Variants in DOCK3 observed in about 807,000 individuals in gnomAD.
DOCK3 encodes the protein dedicator of cytokinesis protein 3.
In DOCK3, 60 loss-of-function variants were observed where a neutral mutation model predicts 265.6. The ratio of observed to expected loss-of-function variants is 0.23; its 90% CI spans 0.18 to 0.28. The LOEUF (loss-of-function observed/expected upper bound fraction) is 0.28. Ranked by LOEUF, DOCK3 falls within the 10% of genes least tolerant of loss-of-function variation. The pLI is 1.00. For missense variants in DOCK3, 1,981 were observed against 2,594.3 expected, an observed-to-expected ratio of 0.76 and a Z score of 5.14; for synonymous variants, 881 against 938.0, an observed-to-expected ratio of 0.94 and a Z score of 1.11.
intron 13 of DOCK3, among the ~76,000 whole-genome samples, chr3:51,210,956 G>A (rs754846002): frequency 2.8e-4 from 42 of 152,126 alleles, no homozygotes; most frequent in Non-Finnish European, 3.5e-4. Context: ...TTCCATTGTT[G>A]GCCTTGGATA....
intron 1 of DOCK3, among the ~76,000 whole-genome samples, chr3:50,693,606 G>A (rs1340584487): frequency 7.1e-6 from 1 of 140,394 alleles, no homozygotes; most frequent in African/African-American, 2.6e-5. Flanking sequence ...CATGATCTCG[G>A]CTCACTGCAA....
chr3:50,722,824 T>C (rs979847562), intron 1 of DOCK3, among the ~76,000 whole-genome samples: 1 of 143,984 alleles, frequency 6.9e-6, no homozygotes, highest in South Asian at 2.2e-4. Context: ...CAGGCTGGAG[T>C]GCAGTGGCAT....
At chr3:50,812,837 A>G (rs535786043) in intron 2 of DOCK3, among the ~76,000 whole-genome samples, 1 of 152,350 alleles carries the variant, frequency 6.6e-6, no homozygotes, top group South Asian at 2.1e-4. Flanking sequence ...GACACATAAT[A>G]GTAACCATCA....
At chr3:50,867,820 ATT>A (rs1202593576) in intron 3 of DOCK3, among the ~76,000 whole-genome samples, 1 of 151,626 alleles carries the variant, frequency 6.6e-6, no homozygotes, top group African/African-American at 2.4e-5. Flanking sequence ...TGTTGAATTC[ATT>A]TTGCTAGTAT....
intron 2 of DOCK3, among the ~76,000 whole-genome samples, chr3:50,796,972 G>C (rs555008260): frequency 6.6e-6 from 1 of 152,244 alleles, no homozygotes; most frequent in South Asian, 2.1e-4. Flanking sequence ...CTGTGCTGGT[G>C]GGGGTGGGGG....
chr3:51,079,549 C>T (rs998148265), intron 7 of DOCK3, among the ~76,000 whole-genome samples: 2 of 151,752 alleles, frequency 1.3e-5, no homozygotes, highest in Non-Finnish European at 2.9e-5. Context: ...GATGAGATTT[C>T]GCCATGTTGC....
At chr3:51,079,816 G>T (rs1317175098) in intron 7 of DOCK3, among the ~76,000 whole-genome samples, 1 of 152,184 alleles carries the variant, frequency 6.6e-6, no homozygotes, top group African/African-American at 2.4e-5. Flanking sequence ...TCTTAGCCAT[G>T]CATCTTTGTG....
At chr3:51,186,490 T>G (rs1263117133) in intron 12 of DOCK3, among the ~76,000 whole-genome samples, 3 of 152,172 alleles carry the variant, frequency 2.0e-5, no homozygotes, top group Non-Finnish European at 4.4e-5. Context: ...TGAGGAGAAA[T>G]TCAAGCTGGC....
intron 27 of DOCK3, among the ~76,000 whole-genome samples, chr3:51,292,369 C>T (rs2081834303): frequency 6.6e-6 from 1 of 151,992 alleles, no homozygotes. Context: ...TTCAAAGACT[C>T]TACAAAAAAA....
intron 9 of DOCK3, among the ~76,000 whole-genome samples, chr3:51,130,483 A>G (rs1395360427): frequency 2.0e-5 from 3 of 152,220 alleles, no homozygotes; most frequent in Admixed American, 6.5e-5. Context: ...TGCTCAAGCA[A>G]TGAAACCACA....
chr3:51,045,731 A>T (rs2080752911), intron 5 of DOCK3, among the ~76,000 whole-genome samples: 1 of 152,170 alleles, frequency 6.6e-6, no homozygotes, highest in South Asian at 2.1e-4. Flanking sequence ...TTTTGTTTGT[A>T]GAATTTCTTT....
At chr3:51,302,553 T>A (rs2082413088) in intron 27 of DOCK3, among the ~76,000 whole-genome samples, 2 of 152,076 alleles carry the variant, frequency 1.3e-5, no homozygotes, top group Admixed American at 1.3e-4. Context: ...TTGCAGTGAC[T>A]AGTAATGTTT....
rs1231648949 is a variant in DOCK3, at chr3:50,799,535, A to G, written c.121+20777A>G. On this transcript the variant is annotated intron_variant, in intron 2 of 52. Coordinates refer to ENST00000266037, the MANE Select transcript of DOCK3 (RefSeq NM_004947.5). ...TCCATTGTTCCTGTATAGAAGTGAT[A>G]CTGATTTTTGTTCATTAATTTTATA... Among the ~76,000 whole-genome samples, 6 of 152,146 alleles carry G rather than the reference A, an allele frequency of 3.9e-5. No homozygotes were observed. In the East Asian group the frequency reaches 1.2e-3, roughly 29 times the overall value.
chr3:51,230,611 G>A (rs902662729), intron 19 of DOCK3, among the ~76,000 whole-genome samples: 5 of 152,046 alleles, frequency 3.3e-5, no homozygotes, highest in Admixed American at 2.6e-4. Flanking sequence ...CTGCCTGCCC[G>A]GTTCAAGCGA....
intron 1 of DOCK3, among the ~76,000 whole-genome samples, chr3:50,747,720 T>C (rs2039532515): frequency 6.6e-6 from 1 of 152,060 alleles, no homozygotes; most frequent in South Asian, 2.1e-4. Context: ...AAAAATTAGC[T>C]GGGCATGGTG....
At chr3:50,726,524 G>C (rs1370730240) in intron 1 of DOCK3, among the ~76,000 whole-genome samples, 1 of 152,210 alleles carries the variant, frequency 6.6e-6, no homozygotes, top group African/African-American at 2.4e-5. Context: ...TAAAGGCTAA[G>C]GCTGAGTTAT....
intron 38 of DOCK3, among the ~76,000 whole-genome samples, chr3:51,344,148 G>A (rs1319970201): frequency 2.0e-5 from 3 of 152,108 alleles, no homozygotes; most frequent in East Asian, 1.9e-4. Context: ...CTGCTTGAGG[G>A]TTTACCATGG....
intron 3 of DOCK3, among the ~76,000 whole-genome samples, chr3:50,872,292 TAGAGGGACCAC>T (rs2047469467): frequency 6.6e-6 from 1 of 152,250 alleles, no homozygotes; most frequent in Admixed American, 6.5e-5. Context: ...TTCAGACTTG[TAGAGGGACCAC>T]CTTGATGGTC....
chr3:51,139,349 A>G (rs1461800878), intron 9 of DOCK3, among the ~76,000 whole-genome samples: 1 of 152,126 alleles, frequency 6.6e-6, no homozygotes, highest in African/African-American at 2.4e-5. Flanking sequence ...GTCTGTCACA[A>G]CATATTTGAT....
Sources: gnomAD v4.1 joint callset for allele counts (sites outside exome capture counted in the v4.1 genomes callset) on GRCh38, gnomAD v4.1.1 for gene constraint, MANE v1.5 for transcripts, NCBI Gene and HGNC (gene_info 2026-07-23, HGNC 2026-07-21) for gene names.